Variants in ST6GALNAC3 observed in about 807,000 individuals in gnomAD.
The protein encoded by ST6GALNAC3 is alpha-N-acetylgalactosaminide alpha-2,6-sialyltransferase 3.
A neutral mutation model predicts 32.7 loss-of-function variants in ST6GALNAC3; 25 were observed. The ratio of observed to expected loss-of-function variants is 0.76; its 90% confidence interval spans 0.56 to 1.07. ST6GALNAC3 has a LOEUF of 1.07. Ranked by LOEUF, ST6GALNAC3 falls within the 50% of genes least tolerant of loss-of-function variation. ST6GALNAC3 has a pLI of 0.00. For missense variants in ST6GALNAC3, 355 were observed against 382.4 expected (o/e 0.93, Z 0.60); for synonymous variants, 129 against 133.1 (o/e 0.97, Z 0.21).
chr1:76,531,602 T>A (rs1260913815), intron 3 of ST6GALNAC3, among the ~76,000 whole-genome samples: 1 of 152,134 alleles, frequency 6.6e-6, no homozygotes, highest in Non-Finnish European at 1.5e-5. Context: ...TGTGCTTTTT[T>A]CCCCCTCATT....
At chr1:76,442,448 T>A (rs1435025688) in intron 3 of ST6GALNAC3, among the ~76,000 whole-genome samples, 1 of 152,246 alleles carries the variant, frequency 6.6e-6, no homozygotes, top group Non-Finnish European at 1.5e-5. Flanking sequence ...ACTGTTGGCT[T>A]TCATTAGCAT....
intron 1 of ST6GALNAC3, among the ~76,000 whole-genome samples, chr1:76,114,134 T>C (rs1648295045): frequency 6.6e-6 from 1 of 152,030 alleles, no homozygotes; most frequent in African/African-American, 2.4e-5. Context: ...TGAGTCACTG[T>C]GCTCAGCCAG....
intron 1 of ST6GALNAC3, among the ~76,000 whole-genome samples, chr1:76,252,067 G>A (rs544846556): frequency 1.4e-4 from 21 of 152,280 alleles, no homozygotes; most frequent in Admixed American, 9.8e-4. Flanking sequence ...ATGGTGGGGA[G>A]CGTTGGTATG....
At chr1:76,492,374 TA>T (rs1389015190) in intron 3 of ST6GALNAC3, among the ~76,000 whole-genome samples, 1 of 151,204 alleles carries the variant, frequency 6.6e-6, no homozygotes, top group Non-Finnish European at 1.5e-5. Context: ...TAGACTGACA[TA>T]AAAAAGAAAC....
At chr1:76,528,690 T>C (rs1263508026) in intron 3 of ST6GALNAC3, among the ~76,000 whole-genome samples, 1 of 151,756 alleles carries the variant, frequency 6.6e-6, no homozygotes, top group African/African-American at 2.4e-5. Context: ...CTCCACATTT[T>C]TGGGTCTTCA....
intron 3 of ST6GALNAC3, among the ~76,000 whole-genome samples, chr1:76,614,578 G>A (rs1056516275): frequency 1.3e-5 from 2 of 151,914 alleles, no homozygotes; most frequent in East Asian, 3.9e-4. Context: ...AATTAGCCGG[G>A]CGTGGTGGCG....
chr1:76,395,478 T>G (rs9803980), intron 2 of ST6GALNAC3, among the ~76,000 whole-genome samples: 80,394 of 151,448 alleles, frequency 0.53, 22,250 homozygotes, highest in East Asian at 0.78. Context: ...ATATCAAAAG[T>G]ATACCTGCAT....
chr1:76,620,423 C>T (rs145779304), intron 3 of ST6GALNAC3, among the ~76,000 whole-genome samples: 4 of 152,100 alleles, frequency 2.6e-5, no homozygotes, highest in Admixed American at 6.5e-5. Flanking sequence ...CCCTGGCCAT[C>T]GTATGTCAAA....
intron 2 of ST6GALNAC3, among the ~76,000 whole-genome samples, chr1:76,382,441 A>T (rs906659908): frequency 1.3e-5 from 2 of 152,208 alleles, no homozygotes; most frequent in Admixed American, 1.3e-4. Context: ...AAACTTAAGA[A>T]TCTAAGAGAT....
At chr1:76,613,607 C>T (rs922203426) in intron 3 of ST6GALNAC3, among the ~76,000 whole-genome samples, 23 of 152,176 alleles carry the variant, frequency 1.5e-4, no homozygotes, top group African/African-American at 4.8e-4. Flanking sequence ...GGGAGGTGAC[C>T]GGATCATGGG....
At chr1:76,627,587 C>G (rs1426780321) in intron 4 of ST6GALNAC3, 28 bp downstream of exon 4, 5 of 1,477,758 alleles carry the variant, frequency 3.4e-6, no homozygotes, top group Middle Eastern at 1.7e-4. Context: ...TATTTTTATG[C>G]AGCTCCAATT....
chr1:76,506,434 T>G (rs143480433), intron 3 of ST6GALNAC3, among the ~76,000 whole-genome samples: 18 of 152,318 alleles, frequency 1.2e-4, no homozygotes, highest in African/African-American at 4.3e-4. Flanking sequence ...CCTGAGGCTT[T>G]CTTTCCCTGG....
chr1:76,148,137 C>A (rs1245711221), intron 1 of ST6GALNAC3, among the ~76,000 whole-genome samples: 1 of 152,152 alleles, frequency 6.6e-6, no homozygotes, highest in Non-Finnish European at 1.5e-5. Context: ...AAAGTAACCC[C>A]CACGTGTGCC....
At chr1:76,577,253 T>C in intron 3 of ST6GALNAC3, 3 of 994,282 alleles carry the variant, frequency 3.0e-6, no homozygotes, top group Non-Finnish European at 3.6e-6. Flanking sequence ...GACTACTGAA[T>C]GGAGAGCTTT....
chr1:76,158,382 G>T (rs111356271), intron 1 of ST6GALNAC3, among the ~76,000 whole-genome samples: 1 of 152,134 alleles, frequency 6.6e-6, no homozygotes, highest in Admixed American at 6.5e-5. Flanking sequence ...CTAGCCTAGC[G>T]ATTTGAAACC....
At chr1:76,208,047 C>CCA in intron 1 of ST6GALNAC3, among the ~76,000 whole-genome samples, 1 of 55,066 alleles carries the variant, frequency 1.8e-5, no homozygotes, top group East Asian at 2.3e-3. Flanking sequence ...GAGTGCCCCC[C>CCA]CCCCCAAAAA....
intron 1 of ST6GALNAC3, among the ~76,000 whole-genome samples, chr1:76,179,019 G>A (rs149421158): frequency 9.9e-5 from 15 of 152,126 alleles, no homozygotes; most frequent in African/African-American, 3.1e-4. Flanking sequence ...TTCCCTGCTC[G>A]GCTCAGTGGG....
chr1:76,257,535 C>T (rs142742380), intron 1 of ST6GALNAC3, among the ~76,000 whole-genome samples: 9 of 152,208 alleles, frequency 5.9e-5, no homozygotes, highest in Admixed American at 1.3e-4. Context: ...TTGGGCAGGC[C>T]TGATTTATTT....
Position 76,630,459 on chromosome 1 carries a change from C to T in ST6GALNAC3, c.*1653C>T. 1 of 985,096 alleles carries T rather than the reference C, an allele frequency of 1.0e-6. No individual in the cohort carries two copies. The allele number at this position is 985,096 out of a possible 1,614,324, so 61.0% of individuals were successfully genotyped here. The stretch of plus-strand genomic sequence containing the variant: ...TTCTATTTTTCATATACTCGTTGCT[C>T]ATTAAATAGTAAAGGGTTGATTTGC... On this transcript the variant is annotated 3_prime_UTR_variant, in exon 5 of 5. Transcript: ENST00000328299.
Sources: allele counts gnomAD v4.1 joint callset (sites outside exome capture counted in the v4.1 genomes callset), GRCh38; gene constraint gnomAD v4.1.1; transcripts MANE v1.5; gene names NCBI Gene and HGNC (gene_info 2026-07-23, HGNC 2026-07-21).